HERC1: variants seen among roughly 807,000 people sequenced by gnomAD.
HERC1 encodes the protein HECT and RLD domain containing E3 ubiquitin protein ligase family member 1.
In HERC1, 160 loss-of-function variants were observed where a neutral mutation model predicts 554.3. The ratio of observed to expected loss-of-function variants is 0.29; its 90% confidence interval spans 0.25 to 0.33. The LOEUF (loss-of-function observed/expected upper bound fraction) is 0.33, where lower values mean the gene tolerates loss of function less well. HERC1 is among the 10% of genes least tolerant of loss of function. The probability of loss-of-function intolerance (pLI) is 1.00; values close to 1 mark genes in which losing one functional copy is unlikely to be tolerated. For missense variants in HERC1, 4,919 were observed against 5,918.5 expected (o/e 0.83, Z 5.54); for synonymous variants, 2,175 against 2,131.7 (o/e 1.02, Z -0.56).
Position 63,633,877 on chromosome 15 carries a change from C to T in HERC1, c.12664G>A (p.Gly4222Arg), listed in dbSNP as rs1450911712. ...GGTGAAGATTTTGCAGTGGAATTTC[C>T]TAAGCCTAGTTTTCCATAGTCTCCA... ...GDGDYGKLGL[G>R]NSTAKSSPQK... Residue 4222 changes from glycine to arginine, a missense_variant, in exon 67 of 78, where the codon GGA becomes AGA. Gly to Arg is a moderately radical substitution (Grantham distance 125). Around this residue, in one of 11 missense-constraint regions of HERC1, gnomAD observed 410 missense variants for 467.0 expected, o/e 0.88. Transcript: ENST00000443617. 6.2e-7 allele frequency: 1 copy of T among 1,613,376 alleles called. No homozygotes were observed. Among genetic ancestry groups the T allele is most frequent in the Non-Finnish European group, 8.5e-7 (1 of 1,179,676 alleles).
rs80203202 is a variant in HERC1, at chr15:63,725,486, C to T, written c.3374G>A (p.Gly1125Asp). 2.9e-3 allele frequency: 4,677 copies of T among 1,613,808 alleles called. 7 individuals carry two copies. Among genetic ancestry groups the T allele is most frequent in the Middle Eastern group, 5.3e-3 (32 of 6,062 alleles). ...CTGAGCTGGCTGAGGTAATGGCAGA[C>T]CAGCAGGATCAATTAGTTCTGGCCC... ...HGGPELIDPA[G>D]LPLPQPAQSW... Residue 1125 changes from glycine to aspartate, a missense_variant, in exon 18 of 78, where the codon GGT becomes GAT. Gly to Asp is a moderately conservative substitution (Grantham distance 94, BLOSUM62 -1). Around this residue, in one of 11 missense-constraint regions of HERC1, gnomAD observed 1,121 missense variants for 1,244.0 expected, o/e 0.90. Coordinates refer to ENST00000443617, the MANE Select transcript of HERC1 (RefSeq NM_003922.4).
At chr15:63,659,665 T>C in intron 47 of HERC1, 71 bp downstream of exon 47, 1 of 1,018,490 alleles carries the variant, frequency 9.8e-7, no homozygotes, top group Non-Finnish European at 1.5e-6. Flanking sequence ...TTTATTATTA[T>C]TATTTACCTA....
rs1417394472 is a variant in HERC1 at position 63,725,400 on chromosome 15, C to T, written c.3460G>A (p.Gly1154Ser). 5 of 1,613,920 alleles carry T rather than the reference C, an allele frequency of 3.1e-6. No homozygotes were observed. Among genetic ancestry groups the T allele is most frequent in the Non-Finnish European group, 4.2e-6 (5 of 1,179,858 alleles). The change falls in exon 18 of 78, where the codon GGT (glycine) becomes AGT (serine). Residue 1154 changes from glycine to serine, a missense_variant. Physicochemically the swap from Gly to Ser is moderately conservative, Grantham distance 56. This residue lies in a region of HERC1 where 1,121 missense variants were observed against 1,244.0 expected (regional missense o/e 0.90). Coordinates refer to ENST00000443617, the MANE Select transcript of HERC1 (RefSeq NM_003922.4). ...TIALLIGRCL[G>S]GMLQGSPVSP... ...ACAGGGGAGCCCTGAAGCATGCCAC[C>T]AAGACACCGCCCAATAAGGAGAGCA...
chr15:63,632,849 G>GA (rs753920870), intron 67 of HERC1, 38 bp from the exon 68 acceptor site: 38 of 1,385,482 alleles, frequency 2.7e-5, no homozygotes, highest in Admixed American at 4.4e-5. Flanking sequence ...ACTTTAAGAA[G>GA]AAAAAAAATC....
intron 16 of HERC1, among the ~76,000 whole-genome samples, chr15:63,728,950 A>AT (rs2074156676): frequency 7.1e-6 from 1 of 141,648 alleles, no homozygotes; most frequent in African/African-American, 2.5e-5. Flanking sequence ...AAAAAAAAAA[A>AT]AAAAGAGCAG....
chr15:63,674,349 A>C lies in HERC1; in HGVS notation c.7839T>G (p.Ile2613Met), dbSNP rs750531719. 1 of 1,593,472 alleles carries C rather than the reference A, an allele frequency of 6.3e-7. No individual in the cohort carries two copies. The highest frequency in any genetic ancestry group is 8.5e-7 in the Non-Finnish European group (1 of 1,169,944). The change falls in exon 38 of 78, where the codon ATT becomes ATG. Residue 2613 changes from isoleucine (I) to methionine (M), a missense_variant. Physicochemically the swap from Ile to Met is conservative, Grantham distance 10 (BLOSUM62 1). Coordinates refer to ENST00000443617, the MANE Select transcript of HERC1 (RefSeq NM_003922.4). ...AAAAATCAGATAACATACCTTGCTT[A>C]ATTTTGCCCCCAAACTGGTCTTCCA... is the stretch of plus-strand genomic sequence containing the variant. ...GLLEDQFGGK[I>M]KQEIDQQAEE...
intron 3 of HERC1, among the ~76,000 whole-genome samples, chr15:63,760,083 C>T (rs2075557044): frequency 6.9e-6 from 1 of 145,866 alleles, no homozygotes; most frequent in Non-Finnish European, 1.5e-5. Context: ...GACAAAGCCC[C>T]TACACTGAGA....
intron 12 of HERC1, among the ~76,000 whole-genome samples, chr15:63,743,741 T>C (rs896865042): frequency 6.6e-6 from 1 of 152,246 alleles, no homozygotes; most frequent in Admixed American, 6.5e-5. Flanking sequence ...TTGAATTTCT[T>C]TGACTTTCCT....
chr15:63,769,209 G>A (rs1287479757), intron 2 of HERC1, among the ~76,000 whole-genome samples: 2 of 152,176 alleles, frequency 1.3e-5, no homozygotes, highest in East Asian at 3.9e-4. Flanking sequence ...CCTGAGGTCA[G>A]GAGTTCAAAA....
At position 63,775,891 on chromosome 15, in the gene HERC1, A is replaced by G. The variant is rs2076097862; in HGVS notation, c.-26-242T>C. ...CATCTCTACTAAAAATACAAAAATT[A>G]GCCAGGCATGGTGGCACATACCTCT... On this transcript the variant is annotated intron_variant, in intron 1 of 77. Transcript: ENST00000443617. This position sits in a 1 kb window ranked among gnomAD's most constrained non-coding sequence, Gnocchi z 4.0. Among the ~76,000 whole-genome samples the G allele has an allele frequency of 6.6e-6, 1 of 152,112 alleles. No individual in the cohort carries two copies. The highest frequency in any genetic ancestry group is 1.5e-5 in the Non-Finnish European group (1 of 68,022).
Position 63,626,087 on chromosome 15 carries a change from T to C in HERC1, c.13173A>G (p.Glu4391=). The C allele has an allele frequency of 6.2e-7, 1 of 1,613,730 alleles. No individual in the cohort carries two copies. Among genetic ancestry groups the C allele is most frequent in the Non-Finnish European group, 8.5e-7 (1 of 1,179,762 alleles). The change falls in exon 71 of 78, where the codon GAA becomes GAG. Residue 4391 remains glutamate, a synonymous_variant. Transcript: ENST00000443617. ...TVPPQYGALR[E]VSIHTVRARL... is the part of the protein sequence containing the mutation. ...TGGCCCGCACCGTGTGAATGCTGACTTCTCTCAGCGCCCCATACTGGGGGG... is the reference window on the plus strand; with the variant it reads ...TGGCCCGCACCGTGTGAATGCTGACCTCTCTCAGCGCCCCATACTGGGGGG...
In HERC1 at chr15:63,718,285, T is replaced by C; in HGVS notation, c.3978+289A>G. The C allele has an allele frequency of 3.7e-6, 1 of 267,714 alleles. No homozygotes were observed. The highest frequency in any genetic ancestry group is 7.1e-6 in the Non-Finnish European group (1 of 140,912). The allele number at this position is 267,714 out of a possible 1,614,324, so 16.6% of individuals were successfully genotyped here. A position where few individuals can be genotyped will look rare whatever the true frequency, so the allele number is the denominator to read the frequency against. ...ACAGGATAATTCAAATGTGGCCCAATCAGCACAAAGAGAGGAATAATCATT... is the reference window on the plus strand; with the variant it reads ...ACAGGATAATTCAAATGTGGCCCAACCAGCACAAAGAGAGGAATAATCATT... On this transcript the variant is annotated intron_variant, in intron 21 of 77. Transcript: ENST00000443617. The surrounding 1 kb of genome is among the most constrained non-coding windows in gnomAD (Gnocchi z 4.2).
intron 52 of HERC1, among the ~76,000 whole-genome samples, chr15:63,651,928 T>C (rs1566974486): frequency 6.6e-6 from 1 of 151,968 alleles, no homozygotes; most frequent in African/African-American, 2.4e-5. Flanking sequence ...CCCAGCTTCT[T>C]GGGAAGAGAA....
chr15:63,827,641 A>G (rs1019865431), intron 1 of HERC1, among the ~76,000 whole-genome samples: 3 of 152,188 alleles, frequency 2.0e-5, no homozygotes, highest in Admixed American at 1.3e-4. Context: ...ACTCCTAGGT[A>G]TATATACCCA....
intron 76 of HERC1, among the ~76,000 whole-genome samples, chr15:63,613,931 C>A (rs1470869086): frequency 6.6e-6 from 1 of 152,212 alleles, no homozygotes; most frequent in Non-Finnish European, 1.5e-5. Context: ...CCACCAAAGT[C>A]TGCCAAACGA....
At chr15:63,611,958 C>T (rs940010045) in intron 77 of HERC1, among the ~76,000 whole-genome samples, 10 of 152,266 alleles carry the variant, frequency 6.6e-5, no homozygotes, top group Admixed American at 3.3e-4. Context: ...GCCAACGTGA[C>T]CAGATCACCT....
At chr15:63,666,309 A>G in intron 41 of HERC1, 47 bp downstream of exon 41, 1 of 1,439,192 alleles carries the variant, frequency 6.9e-7, no homozygotes, top group Non-Finnish European at 9.7e-7. Context: ...TTAATAAGCT[A>G]GGACTTCTCA....
chr15:63,678,296 G>A lies in HERC1; in HGVS notation c.6619C>T (p.Pro2207Ser), dbSNP rs903918963. 3.1e-6 allele frequency: 5 copies of A among 1,613,422 alleles called. No individual in the cohort carries two copies. Among genetic ancestry groups the A allele is most frequent in the Non-Finnish European group, 4.2e-6 (5 of 1,179,742 alleles). The stretch of plus-strand genomic sequence containing the variant: ...GCCTCAGCCAGCACTGCTGCTACTG[G>A]ACTACAAATAGGGTCTCCTGGAAGT... ...DLLPGDPICS[P>S]VAAVLAEATI... The change falls in exon 37 of 78, where the codon CCA becomes TCA. Residue 2207 changes from proline (P) to serine (S), a missense_variant. By Grantham distance (74) the Pro-to-Ser change is moderately conservative (BLOSUM62 -1). This residue lies in a region of HERC1 where 1,963 missense variants were observed against 2,228.6 expected (regional missense o/e 0.88). Coordinates refer to ENST00000443617, the MANE Select transcript of HERC1 (RefSeq NM_003922.4).
chr15:63,826,153 C>T (rs545634681), intron 1 of HERC1, among the ~76,000 whole-genome samples: 2 of 152,264 alleles, frequency 1.3e-5, no homozygotes, highest in East Asian at 1.9e-4. Flanking sequence ...TTCCAAGCAC[C>T]TGGAGCAGCA....
Sources: allele counts gnomAD v4.1 joint callset (sites outside exome capture counted in the v4.1 genomes callset), GRCh38; gene constraint gnomAD v4.1.1; regional missense constraint gnomAD v4.1.1; non-coding constraint Gnocchi (gnomAD v3.1); transcripts MANE v1.5; gene names NCBI Gene and HGNC (gene_info 2026-07-23, HGNC 2026-07-21).